The following PDE8A variants were observed in gnomAD, a reference collection of about 807,000 sequenced individuals.
The protein encoded by PDE8A is phosphodiesterase 8A.
Under a neutral mutation model 105.0 loss-of-function variants are expected in PDE8A, and 59 were observed. That is an observed-to-expected ratio of 0.56 (90% confidence interval 0.46 to 0.70). PDE8A has a LOEUF of 0.70. PDE8A is among the 30% of genes least tolerant of loss of function. The probability of loss-of-function intolerance (pLI) is 0.00; values close to 1 mark genes in which losing one functional copy is unlikely to be tolerated. For missense variants in PDE8A, 1,014 were observed against 1,045.9 expected (o/e 0.97, Z 0.42); for synonymous variants, 355 against 371.9 (o/e 0.95, Z 0.52).
intron 1 of PDE8A, among the ~76,000 whole-genome samples, chr15:85,049,322 A>G (rs752569633): frequency 2.0e-5 from 3 of 152,106 alleles, no homozygotes; most frequent in African/African-American, 4.8e-5. Context: ...AACTAAAACA[A>G]TATATCAATT....
chr15:85,048,874 A>G (rs1199163216), intron 1 of PDE8A, among the ~76,000 whole-genome samples: 1 of 152,162 alleles, frequency 6.6e-6, no homozygotes, highest in African/African-American at 2.4e-5. Context: ...GCCAAGGCAG[A>G]CAGATCACTT....
intron 1 of PDE8A, among the ~76,000 whole-genome samples, chr15:85,041,546 GTATTTGGATTA>G (rs1176728793): frequency 1.3e-5 from 2 of 152,178 alleles, no homozygotes; most frequent in African/African-American, 4.8e-5. Flanking sequence ...TCTAACAAGT[GTATTTGGATTA>G]TAATTTGAGA....
intron 1 of PDE8A, among the ~76,000 whole-genome samples, chr15:85,047,079 T>G: frequency 6.6e-6 from 1 of 152,230 alleles, no homozygotes; most frequent in Non-Finnish European, 1.5e-5. Flanking sequence ...TACTTTTGTT[T>G]CTATATTGCT....
At chr15:85,046,403 C>T (rs537301178) in intron 1 of PDE8A, among the ~76,000 whole-genome samples, 15 of 152,290 alleles carry the variant, frequency 9.8e-5, no homozygotes, top group African/African-American at 3.4e-4. Context: ...CTGAAAACTA[C>T]AAGTCCTGTA....
At chr15:85,053,149 C>T (rs2081003384) in intron 1 of PDE8A, among the ~76,000 whole-genome samples, 1 of 152,158 alleles carries the variant, frequency 6.6e-6, no homozygotes, top group Non-Finnish European at 1.5e-5. Flanking sequence ...GGTATTATTT[C>T]TGAGGGCTCT....
intron 1 of PDE8A, among the ~76,000 whole-genome samples, chr15:85,009,331 C>G (rs1201608058): frequency 6.6e-6 from 1 of 152,068 alleles, no homozygotes; most frequent in Non-Finnish European, 1.5e-5. Flanking sequence ...CTAGAAAATC[C>G]TTTTGGACTG....
At chr15:85,024,830 T>G (rs2080487300) in intron 1 of PDE8A, among the ~76,000 whole-genome samples, 1 of 152,206 alleles carries the variant, frequency 6.6e-6, no homozygotes, top group Non-Finnish European at 1.5e-5. Context: ...GGCTCAGATG[T>G]GTTAATGGGG....
chr15:85,106,400 T>G (rs562153287), intron 11 of PDE8A, among the ~76,000 whole-genome samples: 1 of 152,300 alleles, frequency 6.6e-6, no homozygotes, highest in South Asian at 2.1e-4. Context: ...GTTCATGGAC[T>G]ATACCTCATT....
intron 6 of PDE8A, among the ~76,000 whole-genome samples, chr15:85,088,495 G>A (rs986781058): frequency 6.6e-6 from 1 of 152,126 alleles, no homozygotes; most frequent in Non-Finnish European, 1.5e-5. Flanking sequence ...ACCACATTTT[G>A]TTTATCCATT....
At chr15:85,079,755 A>C (rs571289516) in intron 5 of PDE8A, among the ~76,000 whole-genome samples, 9 of 152,326 alleles carry the variant, frequency 5.9e-5, no homozygotes, top group Non-Finnish European at 1.0e-4. Flanking sequence ...TCTACTAAAA[A>C]TCCAAAAATT....
At position 85,138,238 on chromosome 15, in the gene PDE8A, G is replaced by C; in HGVS notation, c.*335G>C. Reference sequence around the variant, plus strand: ...GGACTTCCTGCCAGTGACAGAGCATGTCTATTGCAAACAATTCTCTCAGTT... The same window carrying C: ...GGACTTCCTGCCAGTGACAGAGCATCTCTATTGCAAACAATTCTCTCAGTT... On this transcript the variant is annotated 3_prime_UTR_variant, in exon 22 of 22. Coordinates refer to ENST00000394553, the MANE Select transcript of PDE8A (RefSeq NM_002605.3). The C allele has an allele frequency of 4.8e-6, 1 of 209,368 alleles. No homozygotes were observed. Among genetic ancestry groups the C allele is most frequent in the East Asian group, 1.1e-4 (1 of 9,090 alleles). 13.0% of individuals were successfully genotyped at this position (209,368 alleles called of 1,614,324 possible). A position where few individuals can be genotyped will look rare whatever the true frequency, so the allele number is the denominator to read the frequency against.
chr15:85,117,131 G>A (rs758953282), intron 16 of PDE8A, among the ~76,000 whole-genome samples: 7 of 152,148 alleles, frequency 4.6e-5, no homozygotes, highest in Non-Finnish European at 1.0e-4. Context: ...TACTTTTAAC[G>A]CCCACCTCCA....
At chr15:85,094,093 G>A (rs2081698776) in intron 8 of PDE8A, among the ~76,000 whole-genome samples, 1 of 152,016 alleles carries the variant, frequency 6.6e-6, no homozygotes, top group Admixed American at 6.6e-5. Flanking sequence ...AAACTCCTAG[G>A]CTCAAGCAGT....
chr15:85,089,661 A>G (rs2081610089), intron 7 of PDE8A, among the ~76,000 whole-genome samples: 1 of 152,128 alleles, frequency 6.6e-6, no homozygotes. Context: ...TGCATTCATT[A>G]TTTCCACTAG....
intron 3 of PDE8A, among the ~76,000 whole-genome samples, chr15:85,072,632 A>G (rs1490610216): frequency 6.6e-6 from 1 of 152,198 alleles, no homozygotes; most frequent in African/African-American, 2.4e-5. Context: ...TGTACAGACA[A>G]TAGTAGAGAA....
Position 84,997,928 on chromosome 15 carries a change from G to T in PDE8A, c.186+15580G>T, listed in dbSNP as rs371816782. On this transcript the variant is annotated intron_variant, in intron 1 of 21. Coordinates refer to ENST00000394553, the MANE Select transcript of PDE8A (RefSeq NM_002605.3). ...TCTTCTTACAACAGGTTTAAGATGG[G>T]TACAATTTTATAAGGCTTTGTGCAC... is the stretch of plus-strand genomic sequence containing the variant. 4.6e-5 allele frequency among the ~76,000 whole-genome samples: 7 copies of T among 152,124 alleles called. No individual in the cohort carries two copies. In the East Asian group the frequency reaches 7.7e-4, roughly 17 times the overall value.
intron 1 of PDE8A, among the ~76,000 whole-genome samples, chr15:85,023,326 G>A (rs1265339618): frequency 6.6e-6 from 1 of 152,178 alleles, no homozygotes; most frequent in Admixed American, 6.5e-5. Flanking sequence ...AGTCTGCAAG[G>A]CTCTGTTATT....
intron 1 of PDE8A, among the ~76,000 whole-genome samples, chr15:85,043,447 G>C (rs77384300): frequency 6.6e-6 from 1 of 152,102 alleles, no homozygotes; most frequent in Non-Finnish European, 1.5e-5. Context: ...TGGATTTGAG[G>C]ATCCTCAGAT....
intron 3 of PDE8A, among the ~76,000 whole-genome samples, chr15:85,070,732 A>G (rs1483195917): frequency 6.6e-6 from 1 of 152,146 alleles, no homozygotes; most frequent in Non-Finnish European, 1.5e-5. Flanking sequence ...CCAAATGATG[A>G]AGGCCTTGTG....
Sources: allele counts gnomAD v4.1 joint callset (sites outside exome capture counted in the v4.1 genomes callset), GRCh38; gene constraint gnomAD v4.1.1; transcripts MANE v1.5; gene names NCBI Gene and HGNC (gene_info 2026-07-23, HGNC 2026-07-21).